The following BMAL2 variants were observed in gnomAD, a reference collection of about 807,000 sequenced individuals.
BMAL2 encodes the protein basic helix-loop-helix ARNT like 2.
the BMAL2 span, among the ~76,000 whole-genome samples, chr12:27,391,411 A>G: frequency 2.6e-5 from 4 of 152,332 alleles, no homozygotes; most frequent in East Asian, 5.8e-4. Context: ...CATGATTCAT[A>G]CGTAGCCCAC....
At chr12:27,340,971 T>A in the BMAL2 span, among the ~76,000 whole-genome samples, 4 of 152,324 alleles carry the variant, frequency 2.6e-5, no homozygotes, top group Admixed American at 6.5e-5. Context: ...TCCTGAGACT[T>A]TGCTGAAATT....
At chr12:27,400,947 A>G in the BMAL2 span, among the ~76,000 whole-genome samples, 1 of 152,202 alleles carries the variant, frequency 6.6e-6, no homozygotes. Flanking sequence ...TTAAGCCAAC[A>G]TGTAAACTTG....
the BMAL2 span, among the ~76,000 whole-genome samples, chr12:27,335,685 T>G: frequency 2.0e-5 from 3 of 151,632 alleles, no homozygotes; most frequent in South Asian, 4.2e-4. Context: ...TTTTCACATA[T>G]TTAAGGGGGA....
chr12:27,406,314 A>G, the BMAL2 span, among the ~76,000 whole-genome samples: 1 of 151,678 alleles, frequency 6.6e-6, no homozygotes, highest in Non-Finnish European at 1.5e-5. Context: ...AGTTGAAATG[A>G]AGGAAAAAAT....
At chr12:27,353,125 C>T in the BMAL2 span, among the ~76,000 whole-genome samples, 1 of 152,120 alleles carries the variant, frequency 6.6e-6, no homozygotes, top group Admixed American at 6.5e-5. Flanking sequence ...ATAGCCAGAG[C>T]AATCCTAAGC....
At chr12:27,404,034 C>T in the BMAL2 span, among the ~76,000 whole-genome samples, 5 of 151,052 alleles carry the variant, frequency 3.3e-5, no homozygotes, top group African/African-American at 4.9e-5. Context: ...TGGTGGTGCA[C>T]GCCTATAGTC....
the BMAL2 span, among the ~76,000 whole-genome samples, chr12:27,350,027 A>T: frequency 2.6e-5 from 4 of 152,156 alleles, no homozygotes; most frequent in African/African-American, 4.8e-5. Flanking sequence ...TATTTGATGA[A>T]GTTCACACAG....
At chr12:27,363,073 A>G in the BMAL2 span, among the ~76,000 whole-genome samples, 1 of 152,114 alleles carries the variant, frequency 6.6e-6, no homozygotes, top group South Asian at 2.1e-4. Flanking sequence ...CCAAGTCTTC[A>G]TGCTGGGATT....
the BMAL2 span, among the ~76,000 whole-genome samples, chr12:27,367,255 C>T: frequency 1.3e-5 from 2 of 151,872 alleles, no homozygotes; most frequent in East Asian, 1.9e-4. Flanking sequence ...AAGTGACTCG[C>T]GGGCAGGTGA....
At chr12:27,375,391 A>G in the BMAL2 span, among the ~76,000 whole-genome samples, 3 of 152,232 alleles carry the variant, frequency 2.0e-5, no homozygotes, top group African/African-American at 7.2e-5. Flanking sequence ...ATGTTATCCA[A>G]GAATATTTGA....
the BMAL2 span, among the ~76,000 whole-genome samples, chr12:27,336,063 CA>C: frequency 6.6e-6 from 1 of 152,116 alleles, no homozygotes; most frequent in African/African-American, 2.4e-5. Context: ...GAGCAAATAA[CA>C]ATTCATTCTG....
chr12:27,406,812 G>A, the BMAL2 span, among the ~76,000 whole-genome samples: 2 of 152,138 alleles, frequency 1.3e-5, no homozygotes, highest in South Asian at 2.1e-4. Context: ...TGTATAAAGA[G>A]TCAAGACCCA....
At chr12:27,350,067 C>G in the BMAL2 span, among the ~76,000 whole-genome samples, 1 of 152,184 alleles carries the variant, frequency 6.6e-6, no homozygotes. Context: ...GAAAAGTCCT[C>G]AGAAATTGGT....
the BMAL2 span, among the ~76,000 whole-genome samples, chr12:27,405,763 GAGA>G: frequency 2.0e-5 from 3 of 152,046 alleles, no homozygotes; most frequent in Non-Finnish European, 4.4e-5. Context: ...AGTTTGATGA[GAGA>G]AGAAGGCTTC....
the BMAL2 span, among the ~76,000 whole-genome samples, chr12:27,341,221 C>A: frequency 6.7e-6 from 1 of 150,062 alleles, no homozygotes; most frequent in Non-Finnish European, 1.5e-5. Flanking sequence ...TTTGCTCATT[C>A]AGTATGATGG....
At chr12:27,380,121 G>C in the BMAL2 span, 6 of 890,254 alleles carry the variant, frequency 6.7e-6, no homozygotes, top group Non-Finnish European at 1.0e-5. Flanking sequence ...GACAACTGCA[G>C]GGCCCAAGTG....
the BMAL2 span, among the ~76,000 whole-genome samples, chr12:27,374,533 A>G: frequency 1.3e-5 from 2 of 152,220 alleles, no homozygotes; most frequent in Admixed American, 6.5e-5. Context: ...ACAATTATAT[A>G]TAATTCCAGA....
the BMAL2 span, chr12:27,370,326 A>C: frequency 1.1e-6 from 1 of 874,186 alleles, no homozygotes; most frequent in Non-Finnish European, 1.8e-6. Context: ...TGATTTGCTC[A>C]TCATCTATCC....
chr12:27,350,776 T>C, the BMAL2 span, among the ~76,000 whole-genome samples: 1 of 150,428 alleles, frequency 6.6e-6, no homozygotes, highest in African/African-American at 2.5e-5. Context: ...TCCTCCCAGG[T>C]TCAAGCGATT....
Sources: gnomAD v4.1 joint callset for allele counts (sites outside exome capture counted in the v4.1 genomes callset) on GRCh38, gnomAD v4.1.1 for gene constraint, MANE v1.5 for transcripts, NCBI Gene and HGNC (gene_info 2026-07-23, HGNC 2026-07-21) for gene names.